Variants in ANKRD13A observed in about 807,000 individuals in gnomAD.
ANKRD13A encodes the protein ankyrin repeat domain-containing protein 13A.
A neutral mutation model predicts 81.3 loss-of-function variants in ANKRD13A; 48 were observed. The observed-to-expected ratio is 0.59, with a 90% confidence interval of 0.47 to 0.75. ANKRD13A has a LOEUF of 0.75. Among genes scored for constraint, ANKRD13A ranks in the 30% least tolerant of loss-of-function variants. The probability of loss-of-function intolerance (pLI) is 0.00; values close to 1 mark genes in which losing one functional copy is unlikely to be tolerated. For synonymous variants in ANKRD13A, 230 were observed against 270.1 expected (o/e 0.85, Z 1.45); for missense variants, 612 against 734.0 (o/e 0.83, Z 1.92).
Position 110,033,723 on chromosome 12 carries a change from G to A in ANKRD13A, c.1349-74G>A, listed in dbSNP as rs1891849196. The A allele has an allele frequency of 1.4e-5, 19 of 1,364,132 alleles. No homozygotes were observed. The Middle Eastern group carries it at 1.1e-3, about 82-fold the overall frequency. 84.5% of individuals were successfully genotyped at this position (1,364,132 alleles called of 1,614,324 possible). A position where few individuals can be genotyped will look rare whatever the true frequency, so the allele number is the denominator to read the frequency against. On this transcript the variant is annotated intron_variant, in intron 12 of 14. Coordinates refer to ENST00000261739, the MANE Select transcript of ANKRD13A (RefSeq NM_033121.2). Reference sequence around the variant, plus strand: ...TTTGAGCCTTTCTTTTTTTTCTAATGTACAACATTTTTGCAAAAAGTTGGA... The same window carrying A: ...TTTGAGCCTTTCTTTTTTTTCTAATATACAACATTTTTGCAAAAAGTTGGA...
At position 110,012,096 on chromosome 12, in the gene ANKRD13A, A is replaced by G. The variant is rs1357206361; in HGVS notation, c.188A>G (p.His63Arg). Residue 63 changes from histidine (H) to arginine (R), a missense_variant, in exon 2 of 15, where the codon CAT becomes CGT. Physicochemically the swap from His to Arg is conservative, Grantham distance 29. Transcript: ENST00000261739. ...HLESARVLLR[H>R]KADVTKENRQ... ...GAATCTGCTCGAGTCTTACTCCGAC[A>G]TAAAGCAGATGTGACAAAAGAAAAT... 1 of 1,613,294 alleles carries G rather than the reference A, an allele frequency of 6.2e-7. No homozygotes were observed. The highest frequency in any genetic ancestry group is 1.7e-5 in the Admixed American group (1 of 60,024).
In ANKRD13A at chr12:110,018,854, AT is replaced by A. The variant is rs1432956242; in HGVS notation, c.545-281del. On this transcript the variant is annotated intron_variant, in intron 5 of 14. Coordinates refer to ENST00000261739, the MANE Select transcript of ANKRD13A (RefSeq NM_033121.2). This position sits in a 1 kb window ranked among gnomAD's most constrained non-coding sequence, Gnocchi z 4.4. The stretch of plus-strand genomic sequence containing the variant: ...ATTTCTGTGAATTCTGTAATAATAT[AT>A]TTTATAAAGGACATTGATGGAATAT... Among the ~76,000 whole-genome samples, 5 of 152,320 alleles carry A rather than the reference AT, an allele frequency of 3.3e-5. No homozygotes were observed. The highest frequency in any genetic ancestry group is 1.2e-4 in the African/African-American group (5 of 41,568).
rs1050551573 is a variant in ANKRD13A at position 110,029,765 on chromosome 12, G to A, written c.1234+130G>A. 22 of 1,025,944 alleles carry A rather than the reference G, an allele frequency of 2.1e-5. No homozygotes were observed. The South Asian group carries it at 2.3e-4, about 11-fold the overall frequency. The allele number at this position is 1,025,944 out of a possible 1,614,324, so 63.6% of individuals were successfully genotyped here. A position where few individuals can be genotyped will look rare whatever the true frequency, so the allele number is the denominator to read the frequency against. On this transcript the variant is annotated intron_variant, in intron 11 of 14. Coordinates refer to ENST00000261739, the MANE Select transcript of ANKRD13A (RefSeq NM_033121.2). ...AAAGTAGCTTATAGACATAACAGAGGAGGTCAGAGTTCTCCTGTGGTTTGA... is the reference window on the plus strand; with the variant it reads ...AAAGTAGCTTATAGACATAACAGAGAAGGTCAGAGTTCTCCTGTGGTTTGA...
chr12:110,027,670 T>C lies in ANKRD13A; in HGVS notation c.884-35T>C. On this transcript the variant is annotated intron_variant, in intron 8 of 14. Transcript: ENST00000261739. ...TTTTTTTATAGCCACAAGTGAGATA[T>C]AATATTAGACTTTAAACTCCCTACC... The C allele has an allele frequency of 3.1e-6, 5 of 1,601,682 alleles. No homozygotes were observed. The African/African-American group carries it at 4.0e-5, about 13-fold the overall frequency.
At chr12:110,007,681 G>A (rs952817210) in intron 1 of ANKRD13A, among the ~76,000 whole-genome samples, 1 of 152,138 alleles carries the variant, frequency 6.6e-6, no homozygotes, top group African/African-American at 2.4e-5. Flanking sequence ...CACCAGGCCA[G>A]TTCTTCTTTA....
intron 13 of ANKRD13A, among the ~76,000 whole-genome samples, chr12:110,034,220 G>A (rs995380716): frequency 4.6e-5 from 7 of 152,162 alleles, no homozygotes; most frequent in Non-Finnish European, 8.8e-5. Flanking sequence ...CACATAGCTT[G>A]TAATTCTGTA....
rs910692781 is a variant in ANKRD13A, at chr12:109,999,478, C to A, written c.-211C>A. The A allele has an allele frequency of 3.8e-6, 1 of 265,032 alleles. No individual in the cohort carries two copies. Among genetic ancestry groups the A allele is most frequent in the Non-Finnish European group, 7.0e-6 (1 of 142,174 alleles). The allele number at this position is 265,032 out of a possible 1,614,324, so 16.4% of individuals were successfully genotyped here. On this transcript the variant is annotated 5_prime_UTR_variant, in exon 1 of 15. Transcript: ENST00000261739. The surrounding 1 kb of genome is among the most constrained non-coding windows in gnomAD (Gnocchi z 4.3). ...GCGCGGGCGGGAACGCCGCGGGGCG[C>A]GGGGTGGGCGCGGCCGACCTGGTCC... is the stretch of plus-strand genomic sequence containing the variant.
rs1271529950 is a variant in ANKRD13A, at chr12:109,999,472, G to A, written c.-217G>A. 7.8e-6 allele frequency: 2 copies of A among 257,544 alleles called. No homozygotes were observed. Among genetic ancestry groups the A allele is most frequent in the Non-Finnish European group, 1.5e-5 (2 of 137,384 alleles). The allele number at this position is 257,544 out of a possible 1,614,324, so 16.0% of individuals were successfully genotyped here. On this transcript the variant is annotated 5_prime_UTR_variant, in exon 1 of 15. Transcript: ENST00000261739. The surrounding 1 kb of genome is among the most constrained non-coding windows in gnomAD (Gnocchi z 4.3). ...CTGTCAGCGCGGGCGGGAACGCCGC[G>A]GGGCGCGGGGTGGGCGCGGCCGACC... is the stretch of plus-strand genomic sequence containing the variant.
chr12:110,028,651 G>C lies in ANKRD13A; in HGVS notation c.1076+9G>C. ...ACGATTAGAACACAGAAGTAAGAGA[G>C]GTTCAGCTGCCATTTTCAACCTATG... On this transcript the variant is annotated intron_variant, in intron 10 of 14. Coordinates refer to ENST00000261739, the MANE Select transcript of ANKRD13A (RefSeq NM_033121.2). 6.2e-7 allele frequency: 1 copy of C among 1,614,118 alleles called. No homozygotes were observed. The highest frequency in any genetic ancestry group is 8.5e-7 in the Non-Finnish European group (1 of 1,179,990).
chr12:110,013,897 G>T (rs1258637922), intron 3 of ANKRD13A, among the ~76,000 whole-genome samples: 2 of 151,924 alleles, frequency 1.3e-5, no homozygotes, highest in Non-Finnish European at 2.9e-5. Context: ...TTTCTTGAAA[G>T]TAGCCTCCTG....
chr12:110,033,936 G>A lies in ANKRD13A; in HGVS notation c.1488G>A (p.Leu496=). The A allele has an allele frequency of 6.2e-7, 1 of 1,611,080 alleles. No individual in the cohort carries two copies. Among genetic ancestry groups the A allele is most frequent in the Non-Finnish European group, 8.5e-7 (1 of 1,178,652 alleles). ...TGCAGTTTGCCATCCAGCAAAGTCT[G>A]CTGGAGTCCAGCAGGAGCCAGGTGT... is the stretch of plus-strand genomic sequence containing the variant. ...EIMQFAIQQS[L]LESSRSQELS... is the part of the protein sequence containing the mutation. Residue 496 remains leucine, a synonymous_variant, in exon 13 of 15, where the codon CTG becomes CTA. Coordinates refer to ENST00000261739, the MANE Select transcript of ANKRD13A (RefSeq NM_033121.2).
In ANKRD13A at chr12:110,038,744, T is replaced by G. The variant is rs552869740; in HGVS notation, c.*1190T>G. 6.5e-6 allele frequency: 1 copy of G among 152,704 alleles called. No homozygotes were observed. Among genetic ancestry groups the G allele is most frequent in the African/African-American group, 2.4e-5 (1 of 41,588 alleles). 9.5% of individuals were successfully genotyped at this position (152,704 alleles called of 1,614,324 possible). On this transcript the variant is annotated 3_prime_UTR_variant, in exon 15 of 15. Transcript: ENST00000261739. ...TTAACCAGATTTTCTCAGGCCTTTTTTGGATACCTTTAGTAGTTAACTCTC... is the reference window on the plus strand; with the variant it reads ...TTAACCAGATTTTCTCAGGCCTTTTGTGGATACCTTTAGTAGTTAACTCTC...
In ANKRD13A at chr12:110,018,478, T is replaced by G. The variant is rs182449540; in HGVS notation, c.534T>G (p.Phe178Leu). ...TAAGAGGGAGGCGTAGTTTTATATT[T>G]AAGGGAGAAGGTGAGTGACTTCTCT... is the stretch of plus-strand genomic sequence containing the variant. Reference protein sequence around the residue: ...SWIRGRRSFIFKGEDNWAELM... With the variant: ...SWIRGRRSFILKGEDNWAELM... The change falls in exon 5 of 15, where the codon TTT (phenylalanine) becomes TTG (leucine). Residue 178 changes from phenylalanine (F) to leucine (L), a missense_variant. Transcript: ENST00000261739. This position sits in a 1 kb window ranked among gnomAD's most constrained non-coding sequence, Gnocchi z 4.4. 9 of 1,614,086 alleles carry G rather than the reference T, an allele frequency of 5.6e-6. No individual in the cohort carries two copies. The East Asian group carries it at 2.0e-4, about 36-fold the overall frequency.
intron 3 of ANKRD13A, among the ~76,000 whole-genome samples, chr12:110,015,956 T>C (rs1890775136): frequency 6.6e-6 from 1 of 150,868 alleles, no homozygotes; most frequent in Non-Finnish European, 1.5e-5. Flanking sequence ...TTTCTTTCTT[T>C]TTTTTTTTTT....
At chr12:110,010,427 A>C (rs1430595315) in intron 1 of ANKRD13A, among the ~76,000 whole-genome samples, 1 of 152,190 alleles carries the variant, frequency 6.6e-6, no homozygotes, top group African/African-American at 2.4e-5. Context: ...ATAGTTCATA[A>C]GTTCATCGTC....
chr12:110,009,632 T>C (rs555041522), intron 1 of ANKRD13A, among the ~76,000 whole-genome samples: 1 of 152,322 alleles, frequency 6.6e-6, no homozygotes, highest in Non-Finnish European at 1.5e-5. Context: ...CACACTGTCA[T>C]CATAATACAA....
In ANKRD13A at chr12:110,027,733, G is replaced by A; in HGVS notation, c.912G>A (p.Leu304=). ...ACAGGAACCCGCTGGAATCTTTGCT[G>A]GGAACTGTGGAACACCAATTTGGTG... ...KADRNPLESL[L]GTVEHQFGAQ... The change falls in exon 9 of 15, where the codon CTG becomes CTA. Residue 304 remains leucine, a synonymous_variant. Coordinates refer to ENST00000261739, the MANE Select transcript of ANKRD13A (RefSeq NM_033121.2). 6.2e-7 allele frequency: 1 copy of A among 1,614,120 alleles called. No individual in the cohort carries two copies. The highest frequency in any genetic ancestry group is 1.1e-5 in the South Asian group (1 of 91,084).
chr12:110,024,767 T>C (rs1045675905), intron 7 of ANKRD13A, among the ~76,000 whole-genome samples: 5 of 152,234 alleles, frequency 3.3e-5, no homozygotes, highest in African/African-American at 1.2e-4. Flanking sequence ...GCACTTGTCA[T>C]AGTGCTGAGT....
Position 110,037,588 on chromosome 12 carries a change from AGGCTG to A in ANKRD13A, c.*35_*39del. 1 of 1,595,986 alleles carries A rather than the reference AGGCTG, an allele frequency of 6.3e-7. No individual in the cohort carries two copies. The highest frequency in any genetic ancestry group is 8.5e-7 in the Non-Finnish European group (1 of 1,171,574). On this transcript the variant is annotated 3_prime_UTR_variant, in exon 15 of 15. Transcript: ENST00000261739. ...GCCTGTGAGCCTCTGCACAAAGCAGAGGCTGTGGGCTGTCACAGATGCTGTGTCAA... is the reference window on the plus strand; with the variant it reads ...GCCTGTGAGCCTCTGCACAAAGCAGATGGGCTGTCACAGATGCTGTGTCAA...
Sources: allele counts gnomAD v4.1 joint callset (sites outside exome capture counted in the v4.1 genomes callset), GRCh38; gene constraint gnomAD v4.1.1; non-coding constraint Gnocchi (gnomAD v3.1); transcripts MANE v1.5; gene names NCBI Gene and HGNC (gene_info 2026-07-23, HGNC 2026-07-21).